The following KLHL4 variants were observed in gnomAD, a reference collection of about 807,000 sequenced individuals.
KLHL4 encodes kelch-like protein 4.
KLHL4 carries 17 observed loss-of-function variants against 45.8 expected under a neutral mutation model. The ratio of observed to expected loss-of-function variants is 0.37; its 90% confidence interval spans 0.25 to 0.56. The LOEUF is 0.56. KLHL4 is among the 20% of genes least tolerant of loss of function. The pLI, the probability that KLHL4 is intolerant of heterozygous loss-of-function variation, is 0.79. For synonymous variants in KLHL4, 224 were observed against 189.9 expected (o/e 1.18, Z -1.47); for missense variants, 544 against 544.9 (o/e 1.00, Z 0.02).
chrX:87,596,443 C>T (rs1921842313), intron 1 of KLHL4, among the ~76,000 whole-genome samples: 1 of 111,609 alleles, frequency 9.0e-6, no homozygotes, highest in African/African-American at 3.3e-5. Flanking sequence ...TGTGTGTATT[C>T]CTTGTGTATT....
intron 9 of KLHL4, among the ~76,000 whole-genome samples, chrX:87,661,751 T>C (rs1479530173): frequency 8.9e-6 from 1 of 112,079 alleles, no homozygotes; most frequent in Non-Finnish European, 1.9e-5. Context: ...CTTAAAATTT[T>C]TTTAAAAAGA....
chrX:87,642,948 G>C (rs752645179), intron 9 of KLHL4, among the ~76,000 whole-genome samples: 2 of 111,958 alleles, frequency 1.8e-5, no homozygotes, highest in African/African-American at 3.2e-5. Context: ...CTGAGGAAGA[G>C]AATTCTAAAA....
At chrX:87,615,951 G>A (rs776883854) in intron 3 of KLHL4, among the ~76,000 whole-genome samples, 53 of 111,166 alleles carry the variant, frequency 4.8e-4, no homozygotes, top group Non-Finnish European at 8.5e-4. Context: ...TGTACATTTT[G>A]AAAGTGTGAA....
intron 1 of KLHL4, among the ~76,000 whole-genome samples, chrX:87,573,539 G>A (rs766341040): frequency 4.5e-4 from 50 of 111,228 alleles, no homozygotes; most frequent in African/African-American, 1.5e-3. Context: ...GAATTTAGTT[G>A]ATGGGGGCGC....
intron 4 of KLHL4, among the ~76,000 whole-genome samples, chrX:87,621,630 C>A (rs1922753824): frequency 9.0e-6 from 1 of 110,619 alleles, no homozygotes; most frequent in African/African-American, 3.3e-5. Context: ...TTAGATTGTC[C>A]TGAACCCATA....
At chrX:87,596,041 G>T (rs1293734087) in intron 1 of KLHL4, among the ~76,000 whole-genome samples, 1 of 110,486 alleles carries the variant, frequency 9.1e-6, no homozygotes, top group Non-Finnish European at 1.9e-5. Flanking sequence ...ATGAGATCTG[G>T]TTATTTAAAA....
At chrX:87,663,681 T>C (rs970955540) in intron 9 of KLHL4, among the ~76,000 whole-genome samples, 2 of 112,614 alleles carry the variant, frequency 1.8e-5, no homozygotes, top group Non-Finnish European at 1.9e-5. Flanking sequence ...AGCATGCAGC[T>C]ATGAATTTTC....
At chrX:87,650,727 C>A (rs1569362272) in intron 9 of KLHL4, among the ~76,000 whole-genome samples, 1 of 111,406 alleles carries the variant, frequency 9.0e-6, no homozygotes, top group Non-Finnish European at 1.9e-5. Context: ...AGTCTCCAAT[C>A]CATTGTATTA....
chrX:87,581,688 A>G (rs950088544), intron 1 of KLHL4, among the ~76,000 whole-genome samples: 4 of 112,348 alleles, frequency 3.6e-5, no homozygotes, highest in African/African-American at 1.3e-4. Flanking sequence ...AAAAAACCAG[A>G]AAAACTCCAT....
intron 1 of KLHL4, among the ~76,000 whole-genome samples, chrX:87,606,996 A>G (rs141202372): frequency 9.3e-4 from 104 of 112,144 alleles, no homozygotes; most frequent in African/African-American, 3.2e-3. Context: ...TATTTTGAAG[A>G]CATATCTGAG....
At chrX:87,548,760 A>T (rs1931738803) in intron 1 of KLHL4, among the ~76,000 whole-genome samples, 1 of 109,304 alleles carries the variant, frequency 9.1e-6, no homozygotes, top group Admixed American at 9.9e-5. Context: ...AAACCAAAAA[A>T]CATACATGGA....
chrX:87,635,844 T>G, intron 9 of KLHL4, 69 bp downstream of exon 9: 1 of 822,748 alleles, frequency 1.2e-6, no homozygotes, highest in Non-Finnish European at 1.7e-6. Context: ...TAGAAAGATT[T>G]TTTTTCTTTT....
At chrX:87,550,957 C>G (rs758580903) in intron 1 of KLHL4, among the ~76,000 whole-genome samples, 9 of 110,835 alleles carry the variant, frequency 8.1e-5, no homozygotes, top group Non-Finnish European at 1.3e-4. Flanking sequence ...GACAAGGATG[C>G]CTACTCTCAT....
At chrX:87,601,576 G>T (rs1201581822) in intron 1 of KLHL4, among the ~76,000 whole-genome samples, 3 of 111,024 alleles carry the variant, frequency 2.7e-5, no homozygotes. Flanking sequence ...AGAATCTGCT[G>T]ATAACAAGCT....
chrX:87,558,389 T>C (rs1409295649), intron 1 of KLHL4, among the ~76,000 whole-genome samples: 2 of 104,780 alleles, frequency 1.9e-5, no homozygotes, highest in Non-Finnish European at 3.9e-5. Context: ...GGCTCACATA[T>C]ATGTGTTCAA....
intron 6 of KLHL4, among the ~76,000 whole-genome samples, chrX:87,630,862 G>T (rs1254042264): frequency 2.7e-5 from 3 of 111,799 alleles, no homozygotes; most frequent in African/African-American, 9.8e-5. Flanking sequence ...AACACCTGAG[G>T]TTCGTTGTCT....
At chrX:87,572,455 C>A (rs1932353039) in intron 1 of KLHL4, among the ~76,000 whole-genome samples, 1 of 110,892 alleles carries the variant, frequency 9.0e-6, no homozygotes, top group Admixed American at 9.6e-5. Context: ...CACTTGTACA[C>A]ATCCAAATAG....
At chrX:87,633,472 A>T (rs1175399655) in intron 7 of KLHL4, among the ~76,000 whole-genome samples, 1 of 111,537 alleles carries the variant, frequency 9.0e-6, no homozygotes, top group Non-Finnish European at 1.9e-5. Context: ...TAAATTACAT[A>T]TCTAGTGTAA....
chrX:87,663,646 T>A (rs1025161846), intron 9 of KLHL4, among the ~76,000 whole-genome samples: 4 of 112,468 alleles, frequency 3.6e-5, no homozygotes, highest in Non-Finnish European at 7.5e-5. Flanking sequence ...CAATAGCAAT[T>A]GTTTTGAAGA....
Sources: gnomAD v4.1 joint callset for allele counts (sites outside exome capture counted in the v4.1 genomes callset) on GRCh38, gnomAD v4.1.1 for gene constraint, MANE v1.5 for transcripts, NCBI Gene and HGNC (gene_info 2026-07-23, HGNC 2026-07-21) for gene names.